STPG2: variants seen among roughly 807,000 people sequenced by gnomAD.
The protein encoded by STPG2 is sperm tail PG-rich repeat containing 2.
A neutral mutation model predicts 54.2 loss-of-function variants in STPG2; 56 were observed. The ratio of observed to expected loss-of-function variants is 1.03; its 90% confidence interval spans 0.83 to 1.29. STPG2 has a LOEUF of 1.29. Ranked by LOEUF, STPG2 falls within the 50% of genes most tolerant of loss-of-function variation. STPG2 has a pLI of 0.00. For synonymous variants in STPG2, 200 were observed against 181.8 expected (o/e 1.10, Z -0.81); for missense variants, 596 against 544.9 (o/e 1.09, Z -0.93).
intron 9 of STPG2, among the ~76,000 whole-genome samples, chr4:97,790,830 C>T (rs1726967920): frequency 6.6e-6 from 1 of 152,134 alleles, no homozygotes; most frequent in African/African-American, 2.4e-5. Flanking sequence ...TGGTGAGCAA[C>T]TTTTTATTAC....
At chr4:97,787,161 A>G (rs956611503) in intron 9 of STPG2, among the ~76,000 whole-genome samples, 3 of 152,094 alleles carry the variant, frequency 2.0e-5, no homozygotes, top group African/African-American at 7.2e-5. Flanking sequence ...ATGTGCAAAT[A>G]AAGACAGTTT....
At chr4:97,583,781 G>A (rs1369500262) in intron 10 of STPG2, among the ~76,000 whole-genome samples, 2 of 151,772 alleles carry the variant, frequency 1.3e-5, no homozygotes, top group Non-Finnish European at 2.9e-5. Context: ...AAGACACAGA[G>A]AAACATCATA....
intron 5 of STPG2, among the ~76,000 whole-genome samples, chr4:98,010,631 T>G (rs1164401285): frequency 6.6e-6 from 1 of 152,224 alleles, no homozygotes; most frequent in Non-Finnish European, 1.5e-5. Flanking sequence ...ACTCTTACAT[T>G]TAAAGTAATC....
chr4:97,657,158 T>G (rs1433908074), intron 10 of STPG2, among the ~76,000 whole-genome samples: 6 of 152,004 alleles, frequency 3.9e-5, no homozygotes, highest in Non-Finnish European at 8.8e-5. Context: ...ATAAAATAAG[T>G]GGAATAAATT....
At chr4:97,590,234 C>T (rs543645624) in intron 10 of STPG2, among the ~76,000 whole-genome samples, 38 of 152,060 alleles carry the variant, frequency 2.5e-4, no homozygotes, top group Non-Finnish European at 4.1e-4. Context: ...ATGCAACCTA[C>T]CCCCAAGAGT....
intron 9 of STPG2, among the ~76,000 whole-genome samples, chr4:97,788,878 T>C (rs979253151): frequency 6.6e-6 from 1 of 152,142 alleles, no homozygotes; most frequent in Admixed American, 6.6e-5. Context: ...CCTTTGTATC[T>C]TTTTAGTGTG....
At chr4:97,538,012 A>C (rs571444487) in intron 4 of STPG2, among the ~76,000 whole-genome samples, 1 of 152,368 alleles carries the variant, frequency 6.6e-6, no homozygotes, top group East Asian at 1.9e-4. Flanking sequence ...ACTAGCAAAC[A>C]CAAAGGACAT....
chr4:97,679,322 C>G lies in STPG2; in HGVS notation c.1320+33377G>C, dbSNP rs867433088. Among the ~76,000 whole-genome samples the G allele has an allele frequency of 6.6e-5, 10 of 152,080 alleles. No individual in the cohort carries two copies. In the South Asian group the frequency reaches 1.5e-3, roughly 22 times the overall value. On this transcript the variant is annotated intron_variant, in intron 10 of 10. Coordinates refer to ENST00000295268, the MANE Select transcript of STPG2 (RefSeq NM_174952.3). ...GACTTTTTAATGATTGCCATTCTAA[C>G]TGGTGTGAGATGGTATCTCATTGTG... is the stretch of plus-strand genomic sequence containing the variant.
intron 9 of STPG2, among the ~76,000 whole-genome samples, chr4:97,739,569 G>A (rs1010629248): frequency 6.6e-6 from 1 of 152,156 alleles, no homozygotes; most frequent in Non-Finnish European, 1.5e-5. Flanking sequence ...ACTACCATCA[G>A]AGAATACTAC....
intron 8 of STPG2, among the ~76,000 whole-genome samples, chr4:97,882,759 C>G (rs1730425178): frequency 6.6e-6 from 1 of 152,056 alleles, no homozygotes; most frequent in African/African-American, 2.4e-5. Context: ...CCAGCAACAA[C>G]AAGCCAAGCC....
intron 10 of STPG2, among the ~76,000 whole-genome samples, chr4:97,670,369 A>T (rs1451081686): frequency 6.6e-6 from 1 of 152,216 alleles, no homozygotes; most frequent in Non-Finnish European, 1.5e-5. Flanking sequence ...ATAATTATTA[A>T]AATGGAATCA....
At chr4:97,712,847 A>G (rs1350066350) in intron 9 of STPG2, 33 bp from the exon 10 acceptor site, 2 of 1,439,946 alleles carry the variant, frequency 1.4e-6, no homozygotes, top group Non-Finnish European at 1.9e-6. Flanking sequence ...ATTATGATAA[A>G]GTATATTTTA....
intron 10 of STPG2, among the ~76,000 whole-genome samples, chr4:97,637,077 G>A (rs1381377884): frequency 2.0e-5 from 3 of 152,168 alleles, no homozygotes; most frequent in Non-Finnish European, 4.4e-5. Flanking sequence ...GATGAACATT[G>A]ATGCAAAAAT....
intron 10 of STPG2, among the ~76,000 whole-genome samples, chr4:97,682,981 A>G (rs1283027308): frequency 6.6e-6 from 1 of 151,806 alleles, no homozygotes; most frequent in Non-Finnish European, 1.5e-5. Context: ...GTTCCAGCTA[A>G]CTGTTGTCAT....
chr4:97,848,805 G>A (rs1272792581), intron 8 of STPG2, among the ~76,000 whole-genome samples: 1 of 150,602 alleles, frequency 6.6e-6, no homozygotes, highest in African/African-American at 2.5e-5. Flanking sequence ...AGATCAGATA[G>A]TTGTAGGTAT....
At chr4:97,995,419 T>TCCACA (rs1241197944) in intron 5 of STPG2, among the ~76,000 whole-genome samples, 1 of 152,184 alleles carries the variant, frequency 6.6e-6, no homozygotes, top group Non-Finnish European at 1.5e-5. Context: ...TCCACACGGC[T>TCCACA]CTGTCTGTCC....
chr4:97,521,030 T>G (rs565375128), intron 4 of STPG2, among the ~76,000 whole-genome samples: 1 of 152,160 alleles, frequency 6.6e-6, no homozygotes, highest in East Asian at 1.9e-4. Flanking sequence ...TGTTATTAAA[T>G]TTTTTAAATG....
At chr4:98,011,887 T>G (rs1440624603) in intron 5 of STPG2, among the ~76,000 whole-genome samples, 2 of 152,114 alleles carry the variant, frequency 1.3e-5, no homozygotes, top group African/African-American at 4.8e-5. Flanking sequence ...GATTACAACA[T>G]TTTTCTCCTA....
intron 4 of STPG2, among the ~76,000 whole-genome samples, chr4:97,547,279 C>T (rs1157476049): frequency 1.3e-5 from 2 of 151,362 alleles, no homozygotes; most frequent in Non-Finnish European, 2.9e-5. Flanking sequence ...GGCACGATCT[C>T]GGCTCACTGC....
Sources: allele counts gnomAD v4.1 joint callset (sites outside exome capture counted in the v4.1 genomes callset), GRCh38; gene constraint gnomAD v4.1.1; transcripts MANE v1.5; gene names NCBI Gene and HGNC (gene_info 2026-07-23, HGNC 2026-07-21).